Variants in DOCK8 observed in about 807,000 individuals in gnomAD.
The protein encoded by DOCK8 is dedicator of cytokinesis 8, also known as dedicator of cytokinesis protein 8.
In DOCK8, 141 loss-of-function variants were observed where a neutral mutation model predicts 245.6. The observed-to-expected ratio is 0.57, with a 90% CI of 0.50 to 0.66. The LOEUF is 0.66. DOCK8 is among the 30% of genes least tolerant of loss of function. The pLI is 0.00. For synonymous variants in DOCK8, 1,168 were observed against 970.2 expected (o/e 1.20, Z -3.79); for missense variants, 2,965 against 2,603.4 (o/e 1.14, Z -3.02).
chr9:274,312 G>T (rs367650721), intron 2 of DOCK8, among the ~76,000 whole-genome samples: 2 of 152,056 alleles, frequency 1.3e-5, no homozygotes, highest in African/African-American at 4.8e-5. Flanking sequence ...GGTTCTATTT[G>T]CATGTGAATA....
At chr9:320,065 G>A (rs995272434) in intron 7 of DOCK8, among the ~76,000 whole-genome samples, 9 of 152,242 alleles carry the variant, frequency 5.9e-5, no homozygotes, top group Non-Finnish European at 1.2e-4. Context: ...GCTTCAAAAT[G>A]CTAGATTCTG....
rs36020302 is a variant in DOCK8, at chr9:397,350, C to CAAA, written c.3120+431_3120+433dup. Among the ~76,000 whole-genome samples, 67 of 87,508 alleles carry CAAA rather than the reference C, an allele frequency of 7.7e-4. 1 individual carries two copies. Among genetic ancestry groups the CAAA allele is most frequent in the Admixed American group, 1.3e-3 (10 of 7,640 alleles). The allele number at this position is 87,508 out of a possible 152,430, so 57.4% of individuals were successfully genotyped here. On this transcript the variant is annotated intron_variant, in intron 25 of 47. Coordinates refer to ENST00000432829, the MANE Select transcript of DOCK8 (RefSeq NM_203447.4). Reference sequence around the variant, plus strand: ...TGGGTGACAGAGTGAGACTCTGTCTCAAAAAAAAAAAAAAAAAGAAATTGC... The same window carrying CAAA: ...TGGGTGACAGAGTGAGACTCTGTCTCAAAAAAAAAAAAAAAAAAAAGAAATTGC...
intron 24 of DOCK8, among the ~76,000 whole-genome samples, chr9:391,072 G>T (rs563989625): frequency 6.6e-6 from 1 of 152,136 alleles, no homozygotes; most frequent in South Asian, 2.1e-4. Flanking sequence ...TCAGCCACAT[G>T]GTCCTCTTTT....
At chr9:353,257 G>T (rs1465528147) in intron 14 of DOCK8, among the ~76,000 whole-genome samples, 3 of 135,852 alleles carry the variant, frequency 2.2e-5, no homozygotes, top group Non-Finnish European at 4.8e-5. Flanking sequence ...CCTAAAGCAA[G>T]GATATGTTTA....
At chr9:262,128 A>G (rs1439521975) in intron 1 of DOCK8, among the ~76,000 whole-genome samples, 1 of 152,186 alleles carries the variant, frequency 6.6e-6, no homozygotes, top group Non-Finnish European at 1.5e-5. Context: ...CTCTTCATGA[A>G]AACTTTCTTA....
chr9:371,282 A>T (rs2053274063), intron 16 of DOCK8, 146 bp from the exon 17 acceptor site: 1 of 862,090 alleles, frequency 1.2e-6, no homozygotes, highest in African/African-American at 1.7e-5. Context: ...GGTCTCAGGG[A>T]CTTCCAGCTT....
intron 14 of DOCK8, 164 bp downstream of exon 14, chr9:340,485 G>A (rs2051530131): frequency 3.6e-6 from 3 of 838,270 alleles, no homozygotes; most frequent in Admixed American, 4.3e-5. Context: ...GCTGGGCATG[G>A]TGGTGCATGC....
At chr9:370,427 C>T in intron 16 of DOCK8, 127 bp downstream of exon 16, 2 of 811,518 alleles carry the variant, frequency 2.5e-6, no homozygotes, top group Non-Finnish European at 4.2e-6. Flanking sequence ...AAAGGAAATC[C>T]ATGCCAGTTC....
chr9:418,634 G>T (rs112092722), intron 30 of DOCK8, among the ~76,000 whole-genome samples: 12 of 152,306 alleles, frequency 7.9e-5, no homozygotes, highest in African/African-American at 2.9e-4. Flanking sequence ...GCCTCATTTT[G>T]CTGGAAAGAA....
rs571062634 is a variant in DOCK8 at position 427,048 on chromosome 9, T to G, written c.4338+67T>G. On this transcript the variant is annotated intron_variant, in intron 34 of 47. Transcript: ENST00000432829. ...TATGTTTACTAGAATAAGGACTTCTTTATGCAAAATTGTGAAAGACATAAA... is the reference window on the plus strand; with the variant it reads ...TATGTTTACTAGAATAAGGACTTCTGTATGCAAAATTGTGAAAGACATAAA... 12 of 1,363,336 alleles carry G rather than the reference T, an allele frequency of 8.8e-6. No homozygotes were observed. The African/African-American group carries it at 1.7e-4, about 19-fold the overall frequency. 84.5% of individuals were successfully genotyped at this position (1,363,336 alleles called of 1,614,324 possible).
intron 10 of DOCK8, among the ~76,000 whole-genome samples, chr9:332,771 C>T (rs751588132): frequency 6.7e-6 from 1 of 149,324 alleles, no homozygotes; most frequent in Non-Finnish European, 1.5e-5. Context: ...GATCCTCCCC[C>T]TTCAGCCTCT....
intron 24 of DOCK8, among the ~76,000 whole-genome samples, chr9:390,804 C>T (rs2054158338): frequency 6.6e-6 from 1 of 152,204 alleles, no homozygotes; most frequent in East Asian, 1.9e-4. Flanking sequence ...CCTGGCCACA[C>T]ACCATCATCT....
At chr9:401,304 C>T (rs2131495333) in intron 26 of DOCK8, among the ~76,000 whole-genome samples, 1 of 152,286 alleles carries the variant, frequency 6.6e-6, no homozygotes, top group East Asian at 1.9e-4. Context: ...GACAGGGTTA[C>T]ATAAGAGCGG....
chr9:461,399 A>AT (rs141500990), intron 46 of DOCK8, among the ~76,000 whole-genome samples: 83 of 150,376 alleles, frequency 5.5e-4, no homozygotes, highest in Non-Finnish European at 9.9e-4. Context: ...ATTTTTTCAT[A>AT]TTTTTTTATT....
intron 41 of DOCK8, 42 bp downstream of exon 41, chr9:441,459 C>T (rs370310364): frequency 1.6e-5 from 26 of 1,613,364 alleles, no homozygotes; most frequent in Non-Finnish European, 2.0e-5. Context: ...TACCTGGTGG[C>T]AGGCGACCCT....
At chr9:345,180 A>G (rs905605684) in intron 14 of DOCK8, among the ~76,000 whole-genome samples, 12 of 152,314 alleles carry the variant, frequency 7.9e-5, no homozygotes, top group African/African-American at 2.9e-4. Context: ...TTCCATGCCA[A>G]TCAATAATCC....
intron 2 of DOCK8, among the ~76,000 whole-genome samples, chr9:285,104 A>T (rs183470616): frequency 1.3e-5 from 2 of 152,286 alleles, no homozygotes; most frequent in Admixed American, 6.5e-5. Flanking sequence ...TTAAAAAAAA[A>T]ATCCCAGACA....
chr9:215,033 A>T lies in DOCK8; in HGVS notation c.53+4A>T, dbSNP rs1243293508. ...CGTTCGCGCTCAAGATCAACAGGTA[A>T]GACGCCCCCCGCGGCGCGCAGGTTG... On this transcript the variant is annotated splice_donor_region_variant and intron_variant, in intron 1 of 47. Transcript: ENST00000432829. The T allele has an allele frequency of 3.2e-6, 5 of 1,579,834 alleles. No homozygotes were observed. Among genetic ancestry groups the T allele is most frequent in the Non-Finnish European group, 4.3e-6 (5 of 1,170,354 alleles).
chr9:333,125 C>T (rs1192864823), intron 10 of DOCK8, among the ~76,000 whole-genome samples: 2 of 152,174 alleles, frequency 1.3e-5, no homozygotes, highest in Non-Finnish European at 2.9e-5. Context: ...CTAAACAGTG[C>T]CAGAGCTCTC....
Sources: gnomAD v4.1 joint callset for allele counts (sites outside exome capture counted in the v4.1 genomes callset) on GRCh38, gnomAD v4.1.1 for gene constraint, MANE v1.5 for transcripts, NCBI Gene and HGNC (gene_info 2026-07-23, HGNC 2026-07-21) for gene names.